Variants in TSG101 observed in about 807,000 individuals in gnomAD.
The protein encoded by TSG101 is tumor susceptibility gene 101 protein.
In TSG101, 19 loss-of-function variants were observed where a neutral mutation model predicts 48.5. The observed-to-expected ratio is 0.39, with a 90% CI of 0.27 to 0.58. The LOEUF is 0.58. Ranked by LOEUF, TSG101 falls within the 20% of genes least tolerant of loss-of-function variation. The pLI, the probability that TSG101 is intolerant of heterozygous loss-of-function variation, is 0.55. For synonymous variants in TSG101, 174 were observed against 169.4 expected, an observed-to-expected ratio of 1.03 and a Z score of -0.21; for missense variants, 365 against 484.4, an observed-to-expected ratio of 0.75 and a Z score of 2.31.
intron 6 of TSG101, 148 bp downstream of exon 6, chr11:18,506,709 A>G: frequency 1.9e-6 from 1 of 521,488 alleles, no homozygotes; most frequent in Non-Finnish European, 3.1e-6. Context: ...AAATAAATAA[A>G]TAAATAAATT....
intron 4 of TSG101, chr11:18,511,145 T>C (rs535673831): frequency 5.9e-5 from 9 of 152,370 alleles, no homozygotes; most frequent in East Asian, 3.9e-4. Flanking sequence ...ACCATCTTCA[T>C]AGAAACTACT....
At position 18,504,427 on chromosome 11, in the gene TSG101, C is replaced by CA. The variant is rs75046764; in HGVS notation, c.549-1851dup. Among the ~76,000 whole-genome samples, 257 of 144,876 alleles carry CA rather than the reference C, an allele frequency of 1.8e-3. 2 individuals are homozygous for CA. Among genetic ancestry groups the CA allele is most frequent in the African/African-American group, 5.4e-3 (213 of 39,502 alleles). On this transcript the variant is annotated intron_variant, in intron 6 of 9. Coordinates refer to ENST00000251968, the MANE Select transcript of TSG101 (RefSeq NM_006292.4). ...ATATCAGTATAAAAGCAAAATCAGA[C>CA]AAAAAAAAAAGAAAGCATTTTTGTT... is the stretch of plus-strand genomic sequence containing the variant.
At chr11:18,486,520 CTCA>C (rs780015826) in intron 7 of TSG101, among the ~76,000 whole-genome samples, 9 of 152,156 alleles carry the variant, frequency 5.9e-5, no homozygotes, top group Non-Finnish European at 8.8e-5. Flanking sequence ...TGAAAAAATG[CTCA>C]TCATCACTGG....
At chr11:18,498,307 G>A (rs1206268715) in intron 7 of TSG101, among the ~76,000 whole-genome samples, 1 of 152,164 alleles carries the variant, frequency 6.6e-6, no homozygotes, top group Non-Finnish European at 1.5e-5. Flanking sequence ...TTGAGCAGAG[G>A]AGTGATACAA....
Position 18,526,906 on chromosome 11 carries a change from A to G in TSG101, c.-90T>C. 1 of 1,432,680 alleles carries G rather than the reference A, an allele frequency of 7.0e-7. No individual in the cohort carries two copies. The highest frequency in any genetic ancestry group is 9.5e-7 in the Non-Finnish European group (1 of 1,056,756). 88.7% of individuals were successfully genotyped at this position (1,432,680 alleles called of 1,614,324 possible). ...CCGTCCCACACAATCGCACACCCCC[A>G]ACCCGGCCTCAAACAACAGGAAGTC... On this transcript the variant is annotated 5_prime_UTR_variant, in exon 1 of 10. Coordinates refer to ENST00000251968, the MANE Select transcript of TSG101 (RefSeq NM_006292.4).
chr11:18,492,363 T>C lies in TSG101; in HGVS notation c.641-8291A>G, dbSNP rs148196789. On this transcript the variant is annotated intron_variant, in intron 7 of 9. Coordinates refer to ENST00000251968, the MANE Select transcript of TSG101 (RefSeq NM_006292.4). ...AGAACTAATGAAAACTTAAGAGTCT[T>C]TTTATAGTTAGTGAATTTTTCACAC... is the stretch of plus-strand genomic sequence containing the variant. 1.3e-3 allele frequency among the ~76,000 whole-genome samples: 203 copies of C among 152,354 alleles called. 2 individuals carry two copies. The highest frequency in any genetic ancestry group is 4.6e-3 in the African/African-American group (192 of 41,582).
intron 1 of TSG101, 38 bp downstream of exon 1, chr11:18,526,737 T>G: frequency 6.3e-7 from 1 of 1,593,550 alleles, no homozygotes; most frequent in Non-Finnish European, 8.5e-7. Flanking sequence ...AAGGGAGCGG[T>G]GGGCGCGCCC....
At chr11:18,493,614 GCT>G (rs1423032471) in intron 7 of TSG101, among the ~76,000 whole-genome samples, 1 of 152,134 alleles carries the variant, frequency 6.6e-6, no homozygotes, top group Non-Finnish European at 1.5e-5. Flanking sequence ...TGGCATCTGT[GCT>G]ACACAGCAAA....
chr11:18,485,724 T>C (rs1214195145), intron 7 of TSG101, among the ~76,000 whole-genome samples: 1 of 152,254 alleles, frequency 6.6e-6, no homozygotes, highest in Non-Finnish European at 1.5e-5. Flanking sequence ...GAAGCTCTAC[T>C]GCTTTGAAGG....
intron 1 of TSG101, chr11:18,525,630 G>C (rs192896861): frequency 1.0e-6 from 1 of 962,584 alleles, no homozygotes; most frequent in Non-Finnish European, 1.2e-6. Flanking sequence ...TTCAAAAAGT[G>C]ATATATAAAA....
intron 7 of TSG101, among the ~76,000 whole-genome samples, chr11:18,498,210 G>A (rs1181041311): frequency 2.0e-5 from 3 of 152,290 alleles, no homozygotes; most frequent in Non-Finnish European, 2.9e-5. Flanking sequence ...GAAAAGTAAT[G>A]GGGAAGAGGG....
chr11:18,499,403 T>TATATATATATATATATATATATA (rs1554970813), intron 7 of TSG101, among the ~76,000 whole-genome samples: 12 of 6,844 alleles, frequency 1.8e-3, no homozygotes, highest in South Asian at 7.1e-3. Flanking sequence ...TATATATATA[T>TATATATATATATATATATATATA]TTTTTTTTTT....
At chr11:18,486,118 ACCACCCCTGCATCCCCTCTCCAGT>A (rs1849616533) in intron 7 of TSG101, among the ~76,000 whole-genome samples, 2 of 152,146 alleles carry the variant, frequency 1.3e-5, no homozygotes, top group African/African-American at 4.8e-5. Flanking sequence ...GGGTAGGGGA[ACCACCCCTGCATCCCCTCTCCAGT>A]GAAAGCTCTT....
intron 7 of TSG101, among the ~76,000 whole-genome samples, chr11:18,499,226 A>C (rs1473448985): frequency 1.4e-5 from 2 of 137,990 alleles, no homozygotes; most frequent in Admixed American, 1.6e-4. Flanking sequence ...ATATATTTAT[A>C]TATGATATAT....
intron 1 of TSG101, among the ~76,000 whole-genome samples, chr11:18,522,843 T>C (rs1206525008): frequency 6.6e-6 from 1 of 152,192 alleles, no homozygotes; most frequent in Admixed American, 6.5e-5. Context: ...CTATGAGTCT[T>C]TGCATTTGTT....
chr11:18,505,123 T>C (rs1590280739), intron 6 of TSG101, among the ~76,000 whole-genome samples: 2 of 152,188 alleles, frequency 1.3e-5, no homozygotes, highest in South Asian at 4.1e-4. Flanking sequence ...ATGACATGTG[T>C]TCAGAAATCT....
At chr11:18,526,422 A>G (rs1850374673) in intron 1 of TSG101, among the ~76,000 whole-genome samples, 3 of 152,096 alleles carry the variant, frequency 2.0e-5, no homozygotes, top group African/African-American at 7.2e-5. Flanking sequence ...CAGATCTACA[A>G]CTAAGTATGA....
intron 4 of TSG101, chr11:18,511,552 G>A (rs767032606): frequency 2.6e-5 from 4 of 152,118 alleles, no homozygotes; most frequent in Non-Finnish European, 5.9e-5. Flanking sequence ...GATGGCCACT[G>A]AGACCACATG....
intron 7 of TSG101, among the ~76,000 whole-genome samples, chr11:18,492,413 A>T (rs1038858591): frequency 8.5e-5 from 13 of 152,254 alleles, no homozygotes; most frequent in African/African-American, 3.1e-4. Context: ...ATACTTTGTT[A>T]AAGCTATTAT....
Sources: allele counts gnomAD v4.1 joint callset (sites outside exome capture counted in the v4.1 genomes callset), GRCh38; gene constraint gnomAD v4.1.1; transcripts MANE v1.5; gene names NCBI Gene and HGNC (gene_info 2026-07-23, HGNC 2026-07-21).